IL19: variants seen among roughly 807,000 people sequenced by gnomAD.
IL19 encodes the protein interleukin-19.
A neutral mutation model predicts 19.5 loss-of-function variants in IL19; 15 were observed. The observed-to-expected ratio is 0.77, with a 90% CI of 0.52 to 1.19. The LOEUF (loss-of-function observed/expected upper bound fraction) is 1.19. Among genes scored for constraint, IL19 ranks in the 50% most tolerant of loss-of-function variants. The pLI, the probability that IL19 is intolerant of heterozygous loss-of-function variation, is 0.00. For missense variants in IL19, 199 were observed against 213.1 expected (o/e 0.93, Z 0.41); for synonymous variants, 78 against 78.3 (o/e 1.00, Z 0.02).
At chr1:206,828,875 A>C (rs1382742505) in intron 2 of IL19, 1 of 152,180 alleles carries the variant, frequency 6.6e-6, no homozygotes, top group Non-Finnish European at 1.5e-5. Context: ...TCTGTTGCCC[A>C]GGCTGGAGTG....
rs769488868 is a variant in IL19, at chr1:206,798,987, T to C, written c.-22T>C. 6.2e-7 allele frequency: 1 copy of C among 1,613,028 alleles called. No homozygotes were observed. On this transcript the variant is annotated 5_prime_UTR_variant, in exon 2 of 7. Transcript: ENST00000659997. Reference sequence around the variant, plus strand: ...ATATCCATGTGTGTGTGCCAGTGCTTTGGGGCTCTGTTCCACGGGGTAAGT... The same window carrying C: ...ATATCCATGTGTGTGTGCCAGTGCTCTGGGGCTCTGTTCCACGGGGTAAGT...
intron 1 of IL19, among the ~76,000 whole-genome samples, chr1:206,782,626 C>A (rs780998888): frequency 2.0e-5 from 3 of 152,190 alleles, no homozygotes; most frequent in Non-Finnish European, 4.4e-5. Flanking sequence ...TCACATGTCA[C>A]GGAAGCTACA....
At chr1:206,823,821 T>G (rs554552279) in intron 2 of IL19, among the ~76,000 whole-genome samples, 1 of 152,250 alleles carries the variant, frequency 6.6e-6, no homozygotes, top group African/African-American at 2.4e-5. Context: ...AAACAGTGTG[T>G]GATGGGAAGG....
chr1:206,811,891 C>T (rs528654226), intron 2 of IL19, among the ~76,000 whole-genome samples: 16 of 152,170 alleles, frequency 1.1e-4, no homozygotes, highest in Non-Finnish European at 1.2e-4. Flanking sequence ...ATTTGCTTTC[C>T]TGTCCAAAAA....
chr1:206,841,790 A>G (rs369736724), intron 6 of IL19, among the ~76,000 whole-genome samples: 22 of 152,246 alleles, frequency 1.4e-4, no homozygotes, highest in Non-Finnish European at 2.2e-4. Context: ...TGCTCTAGGC[A>G]CACAACAAGT....
intron 2 of IL19, among the ~76,000 whole-genome samples, chr1:206,807,041 T>C (rs1675864573): frequency 6.6e-6 from 1 of 152,158 alleles, no homozygotes. Flanking sequence ...CTTACAATCA[T>C]GGCATAAGTG....
intron 1 of IL19, among the ~76,000 whole-genome samples, chr1:206,782,828 C>A (rs537993365): frequency 2.4e-4 from 36 of 152,334 alleles, no homozygotes; most frequent in African/African-American, 8.7e-4. Flanking sequence ...TTATTTTGGG[C>A]TCTGCTTTCT....
chr1:206,788,604 TA>T (rs2102452894), intron 1 of IL19, among the ~76,000 whole-genome samples: 1 of 152,266 alleles, frequency 6.6e-6, no homozygotes, highest in East Asian at 1.9e-4. Context: ...TGGTGAAATC[TA>T]GGATTTTAGT....
At chr1:206,812,350 T>A (rs191150248) in intron 2 of IL19, among the ~76,000 whole-genome samples, 3 of 152,332 alleles carry the variant, frequency 2.0e-5, no homozygotes, top group Admixed American at 6.5e-5. Flanking sequence ...GGAACAAATG[T>A]CTCTACCAGG....
intron 1 of IL19, among the ~76,000 whole-genome samples, chr1:206,781,911 ATG>A (rs1675146070): frequency 1.8e-5 from 2 of 113,556 alleles, no homozygotes; most frequent in Admixed American, 1.7e-4. Flanking sequence ...ATACATATAT[ATG>A]TATATAGTTA....
At chr1:206,777,016 G>T (rs1558604889) in intron 1 of IL19, among the ~76,000 whole-genome samples, 1 of 151,632 alleles carries the variant, frequency 6.6e-6, no homozygotes, top group African/African-American at 2.4e-5. Context: ...CGGATCACGA[G>T]GTCAGGAGAT....
chr1:206,793,828 G>A (rs1369861523), intron 1 of IL19, among the ~76,000 whole-genome samples: 2 of 152,326 alleles, frequency 1.3e-5, no homozygotes, highest in African/African-American at 2.4e-5. Flanking sequence ...TTAACTGTTG[G>A]TAGTGATTAA....
intron 2 of IL19, among the ~76,000 whole-genome samples, chr1:206,813,678 G>C (rs1676073989): frequency 6.6e-6 from 1 of 152,072 alleles, no homozygotes; most frequent in Admixed American, 6.5e-5. Flanking sequence ...ATATTTTAGA[G>C]TTCTCTTTTA....
intron 2 of IL19, among the ~76,000 whole-genome samples, chr1:206,819,742 A>G (rs1018708535): frequency 1.3e-5 from 2 of 152,210 alleles, no homozygotes; most frequent in Admixed American, 1.3e-4. Flanking sequence ...TGGGCTATGT[A>G]GAGACTCAGC....
At position 206,770,913 on chromosome 1, in the gene IL19, C is replaced by T. The variant is rs991441780; in HGVS notation, c.-314C>T. 4.3e-6 allele frequency: 7 copies of T among 1,614,088 alleles called. No homozygotes were observed. Among genetic ancestry groups the T allele is most frequent in the Non-Finnish European group, 5.1e-6 (6 of 1,179,950 alleles). Reference sequence around the variant, plus strand: ...AAACTGATCTGCTACTTACACAGCGCCGTAGCCTCAGCCTGAGGGTCTTCA... The same window carrying T: ...AAACTGATCTGCTACTTACACAGCGTCGTAGCCTCAGCCTGAGGGTCTTCA... On this transcript the variant is annotated 5_prime_UTR_variant, in exon 1 of 7. Coordinates refer to ENST00000659997, the MANE Select transcript of IL19 (RefSeq NM_153758.5).
intron 1 of IL19, among the ~76,000 whole-genome samples, chr1:206,783,175 C>A (rs1179196380): frequency 6.6e-6 from 1 of 152,044 alleles, no homozygotes; most frequent in Non-Finnish European, 1.5e-5. Flanking sequence ...TCCCTGGTTG[C>A]CCACCTGATT....
intron 2 of IL19, among the ~76,000 whole-genome samples, chr1:206,835,861 T>C (rs1015476085): frequency 3.9e-5 from 6 of 152,228 alleles, no homozygotes; most frequent in Non-Finnish European, 8.8e-5. Context: ...TGTGGCACAA[T>C]ACAAAGTGGT....
chr1:206,801,569 A>G (rs1377691540), intron 2 of IL19, among the ~76,000 whole-genome samples: 1 of 152,154 alleles, frequency 6.6e-6, no homozygotes, highest in African/African-American at 2.4e-5. Flanking sequence ...TCTCCCTGTC[A>G]AGCATCACTT....
At chr1:206,773,586 TTGTGTGTGTGTGTGTG>T (rs2234662) in intron 1 of IL19, among the ~76,000 whole-genome samples, 22 of 131,780 alleles carry the variant, frequency 1.7e-4, no homozygotes, top group South Asian at 2.6e-4. Flanking sequence ...TGTCTTGGAT[TTGTGTGTGTGTGTGTG>T]TGTGTGTGTG....
Sources: allele counts gnomAD v4.1 joint callset (sites outside exome capture counted in the v4.1 genomes callset), GRCh38; gene constraint gnomAD v4.1.1; transcripts MANE v1.5; gene names NCBI Gene and HGNC (gene_info 2026-07-23, HGNC 2026-07-21).